Variants in STXBP4 observed in about 807,000 individuals in gnomAD.
STXBP4 encodes syntaxin binding protein 4.
STXBP4 carries 55 observed loss-of-function variants against 76.1 expected under a neutral mutation model. The ratio of observed to expected loss-of-function variants is 0.72; its 90% CI spans 0.58 to 0.91. STXBP4 has a LOEUF of 0.91. Among genes scored for constraint, STXBP4 ranks in the 40% least tolerant of loss-of-function variants. STXBP4 has a pLI of 0.00. For missense variants in STXBP4, 618 were observed against 636.9 expected (o/e 0.97, Z 0.32); for synonymous variants, 201 against 220.2 (o/e 0.91, Z 0.77).
At chr17:55,026,599 G>T (rs1244587863) in intron 8 of STXBP4, among the ~76,000 whole-genome samples, 7 of 152,310 alleles carry the variant, frequency 4.6e-5, no homozygotes, top group Non-Finnish European at 8.8e-5. Flanking sequence ...GAACCTGGCA[G>T]TGTAGCTCAC....
intron 16 of STXBP4, among the ~76,000 whole-genome samples, chr17:55,081,596 G>T (rs1166697091): frequency 6.6e-6 from 1 of 152,166 alleles, no homozygotes; most frequent in African/African-American, 2.4e-5. Context: ...CTGCTGAAAC[G>T]ATGAGTTAAG....
chr17:55,204,625 C>G, the STXBP4 span, among the ~76,000 whole-genome samples: 1 of 151,920 alleles, frequency 6.6e-6, no homozygotes, highest in Non-Finnish European at 1.5e-5. Context: ...TCCTTAGTCC[C>G]CCTTGGTGGG....
chr17:55,079,237 T>C (rs564864806), intron 15 of STXBP4, among the ~76,000 whole-genome samples: 1 of 152,322 alleles, frequency 6.6e-6, no homozygotes, highest in Admixed American at 6.5e-5. Flanking sequence ...TTATTCATAA[T>C]ATGTTTTGGA....
chr17:55,104,623 A>G (rs995283453), intron 16 of STXBP4, among the ~76,000 whole-genome samples: 17 of 152,162 alleles, frequency 1.1e-4, no homozygotes, highest in Admixed American at 3.3e-4. Flanking sequence ...TTTTGGTATC[A>G]GGATGATGCT....
intron 16 of STXBP4, among the ~76,000 whole-genome samples, chr17:55,097,894 A>C (rs2079512545): frequency 6.6e-6 from 1 of 152,112 alleles, no homozygotes; most frequent in Admixed American, 6.6e-5. Flanking sequence ...ATGAAGATGG[A>C]GATATCACCA....
At chr17:55,177,241 G>C (rs1282863658), downstream of STXBP4, among the ~76,000 whole-genome samples, 1 of 151,856 alleles carries the variant, frequency 6.6e-6, no homozygotes, top group Non-Finnish European at 1.5e-5. Flanking sequence ...AAACTCCCAG[G>C]TGTAGAGGAC....
intron 13 of STXBP4, among the ~76,000 whole-genome samples, chr17:55,073,758 A>G (rs1420305216): frequency 1.3e-5 from 2 of 152,208 alleles, no homozygotes; most frequent in East Asian, 1.9e-4. Flanking sequence ...CCTCCCAAGT[A>G]GCTGCGGTTA....
chr17:55,151,927 T>TAGAC (rs1210136375), intron 17 of STXBP4, among the ~76,000 whole-genome samples: 1 of 152,218 alleles, frequency 6.6e-6, no homozygotes, highest in African/African-American at 2.4e-5. Flanking sequence ...AATGTATGAG[T>TAGAC]AGACCTTTGG....
At chr17:55,210,000 G>C in the STXBP4 span, among the ~76,000 whole-genome samples, 2 of 152,230 alleles carry the variant, frequency 1.3e-5, no homozygotes, top group Non-Finnish European at 2.9e-5. Context: ...GCATGTTCAT[G>C]CGTGTGCACA....
At chr17:54,973,221 G>A (rs2077424715) in intron 1 of STXBP4, among the ~76,000 whole-genome samples, 1 of 152,214 alleles carries the variant, frequency 6.6e-6, no homozygotes, top group Non-Finnish European at 1.5e-5. Context: ...TAGTGGCAGA[G>A]CTGGAGTTTA....
At chr17:55,199,832 C>G in the STXBP4 span, among the ~76,000 whole-genome samples, 1 of 152,154 alleles carries the variant, frequency 6.6e-6, no homozygotes, top group Non-Finnish European at 1.5e-5. Flanking sequence ...CTCTAGCTGT[C>G]CCCCATTCTT....
intron 4 of STXBP4, among the ~76,000 whole-genome samples, chr17:54,992,592 TGTGA>T (rs1181149529): frequency 1.3e-5 from 2 of 151,858 alleles, no homozygotes; most frequent in African/African-American, 2.4e-5. Context: ...GAGAGGTGTG[TGTGA>T]GTGTGTGTCT....
intron 4 of STXBP4, 152 bp from the exon 5 acceptor site, chr17:54,999,193 A>G (rs1567710825): frequency 1.7e-6 from 1 of 583,764 alleles, no homozygotes. Flanking sequence ...GACTTTAATC[A>G]AGAGATTTTG....
At chr17:55,102,509 C>A (rs1223737153) in intron 16 of STXBP4, among the ~76,000 whole-genome samples, 1 of 152,090 alleles carries the variant, frequency 6.6e-6, no homozygotes, top group Non-Finnish European at 1.5e-5. Context: ...GCGATATTTT[C>A]TTTATCCAGT....
At chr17:54,986,634 AAT>A (rs1404665825) in intron 3 of STXBP4, among the ~76,000 whole-genome samples, 9 of 152,194 alleles carry the variant, frequency 5.9e-5, no homozygotes, top group Non-Finnish European at 1.2e-4. Flanking sequence ...TGTCTCTAAA[AAT>A]AATAAAAAAT....
the STXBP4 span, among the ~76,000 whole-genome samples, chr17:55,200,157 G>A: frequency 6.6e-6 from 1 of 152,180 alleles, no homozygotes; most frequent in East Asian, 1.9e-4. Flanking sequence ...CTGAAGAAAG[G>A]TAGAGCTTAA....
intron 16 of STXBP4, among the ~76,000 whole-genome samples, chr17:55,113,534 G>A (rs2079747471): frequency 6.6e-6 from 1 of 151,992 alleles, no homozygotes. Flanking sequence ...TCGAAGTGTG[G>A]TTTAACTGTA....
In STXBP4 at chr17:54,968,792, G is replaced by A. The variant is rs150875133; in HGVS notation, c.-180G>A. 2 of 898,050 alleles carry A rather than the reference G, an allele frequency of 2.2e-6. No individual in the cohort carries two copies. Among genetic ancestry groups the A allele is most frequent in the African/African-American group, 1.7e-5 (1 of 59,962 alleles). The allele number at this position is 898,050 out of a possible 1,614,324, so 55.6% of individuals were successfully genotyped here. ...GTGGCAGCGCTTGCAGTCGGGCTAC[G>A]GAGGCCGGGTTGCCAGATTACGGGT... On this transcript the variant is annotated 5_prime_UTR_variant, in exon 1 of 18. Transcript: ENST00000376352.
chr17:55,189,197 A>G, the STXBP4 span, among the ~76,000 whole-genome samples: 1 of 152,222 alleles, frequency 6.6e-6, no homozygotes, highest in African/African-American at 2.4e-5. Flanking sequence ...GATGCTTCAA[A>G]AAACCAAGTA....
Sources: allele counts gnomAD v4.1 joint callset (sites outside exome capture counted in the v4.1 genomes callset), GRCh38; gene constraint gnomAD v4.1.1; transcripts MANE v1.5; gene names NCBI Gene and HGNC (gene_info 2026-07-23, HGNC 2026-07-21).